Variants in ST8SIA1 observed in about 807,000 individuals in gnomAD.
ST8SIA1 encodes the protein alpha-N-acetylneuraminide alpha-2,8-sialyltransferase.
ST8SIA1 carries 16 observed loss-of-function variants against 35.9 expected under a neutral mutation model. That is an observed-to-expected ratio of 0.45 (90% CI 0.30 to 0.68). ST8SIA1 has a LOEUF of 0.68. Ranked by LOEUF, ST8SIA1 falls within the 30% of genes least tolerant of loss-of-function variation. The probability of loss-of-function intolerance (pLI) is 0.09; values close to 1 mark genes in which losing one functional copy is unlikely to be tolerated. For missense variants in ST8SIA1, 383 were observed against 453.6 expected (o/e 0.84, Z 1.41); for synonymous variants, 170 against 169.6 (o/e 1.00, Z -0.02).
chr12:22,264,557 T>C (rs1299170634), intron 2 of ST8SIA1, among the ~76,000 whole-genome samples: 1 of 151,828 alleles, frequency 6.6e-6, no homozygotes, highest in African/African-American at 2.4e-5. Context: ...AATTAAAATT[T>C]CAGTTGTTTT....
At chr12:22,214,218 A>G (rs1013284710) in intron 4 of ST8SIA1, among the ~76,000 whole-genome samples, 2 of 152,188 alleles carry the variant, frequency 1.3e-5, no homozygotes, top group African/African-American at 2.4e-5. Context: ...ACAGAGGAAA[A>G]AAGAGTTTCA....
chr12:22,215,986 G>A (rs745812914), intron 4 of ST8SIA1, among the ~76,000 whole-genome samples: 70 of 152,326 alleles, frequency 4.6e-4, no homozygotes, highest in Non-Finnish European at 9.1e-4. Context: ...ATAAATGACA[G>A]TGCAGAATAG....
chr12:22,232,827 C>A (rs1865434954), intron 4 of ST8SIA1, among the ~76,000 whole-genome samples: 1 of 151,714 alleles, frequency 6.6e-6, no homozygotes, highest in Non-Finnish European at 1.5e-5. Context: ...GACAGAGACT[C>A]TGCCTCAAAA....
chr12:22,254,327 C>T (rs1865705622), intron 3 of ST8SIA1, among the ~76,000 whole-genome samples: 1 of 152,132 alleles, frequency 6.6e-6, no homozygotes. Context: ...TCTTCTTATT[C>T]CACGTCTCCT....
At chr12:22,211,912 A>G (rs1591824856) in intron 4 of ST8SIA1, among the ~76,000 whole-genome samples, 1 of 151,970 alleles carries the variant, frequency 6.6e-6, no homozygotes, top group African/African-American at 2.4e-5. Flanking sequence ...GGTTTCGCCA[A>G]GTTGGCCAGG....
At position 22,203,396 on chromosome 12, in the gene ST8SIA1, T is replaced by A. The variant is rs561482089; in HGVS notation, c.585-1358A>T. Among the ~76,000 whole-genome samples, 4 of 152,300 alleles carry A rather than the reference T, an allele frequency of 2.6e-5. No homozygotes were observed. The East Asian group carries it at 7.7e-4, about 29-fold the overall frequency. On this transcript the variant is annotated intron_variant, in intron 4 of 4. Coordinates refer to ENST00000396037, the MANE Select transcript of ST8SIA1 (RefSeq NM_003034.4). Reference sequence around the variant, plus strand: ...GCCTGACATGTTGGCAGGCTCATCATAATTATGTGAAATTAAAGTTCTGAA... The same window carrying A: ...GCCTGACATGTTGGCAGGCTCATCAAAATTATGTGAAATTAAAGTTCTGAA...
intron 2 of ST8SIA1, among the ~76,000 whole-genome samples, chr12:22,275,549 G>A (rs1243793778): frequency 8.6e-5 from 13 of 151,716 alleles, no homozygotes; most frequent in Admixed American, 5.9e-4. Flanking sequence ...GTGAGACTCC[G>A]TGTCAAAAAA....
chr12:22,267,924 G>A (rs767890214), intron 2 of ST8SIA1, among the ~76,000 whole-genome samples: 54 of 152,074 alleles, frequency 3.6e-4, no homozygotes, highest in Non-Finnish European at 5.3e-4. Context: ...CATCTTCCAG[G>A]ATTGGCATGC....
At chr12:22,204,973 C>T (rs1009031836) in intron 4 of ST8SIA1, among the ~76,000 whole-genome samples, 1 of 152,162 alleles carries the variant, frequency 6.6e-6, no homozygotes, top group African/African-American at 2.4e-5. Context: ...TCCTCATGTC[C>T]TCACCCTATG....
At chr12:22,270,595 T>G (rs755455990) in intron 2 of ST8SIA1, among the ~76,000 whole-genome samples, 1 of 152,296 alleles carries the variant, frequency 6.6e-6, no homozygotes, top group Non-Finnish European at 1.5e-5. Context: ...CTAAATCTAT[T>G]TCAAATAAAC....
intron 4 of ST8SIA1, among the ~76,000 whole-genome samples, chr12:22,220,644 T>A (rs1187489194): frequency 6.6e-6 from 1 of 152,192 alleles, no homozygotes; most frequent in Non-Finnish European, 1.5e-5. Flanking sequence ...TTAAAAGCAA[T>A]TAAGTGTCTT....
rs995044657 is a variant in ST8SIA1, at chr12:22,245,780, C to A, written c.584+3226G>T. Among the ~76,000 whole-genome samples the A allele has an allele frequency of 1.4e-4, 21 of 152,162 alleles. No homozygotes were observed. In the East Asian group the frequency reaches 3.8e-3, roughly 28 times the overall value. ...CTGGGACTTCAGCCCCACTCCCTGACCTCTGGGGAGGAGAAAAGGGTTACA... is the reference window on the plus strand; with the variant it reads ...CTGGGACTTCAGCCCCACTCCCTGAACTCTGGGGAGGAGAAAAGGGTTACA... On this transcript the variant is annotated intron_variant, in intron 4 of 4. Transcript: ENST00000396037.
At chr12:22,238,460 GT>G (rs1286266681) in intron 4 of ST8SIA1, among the ~76,000 whole-genome samples, 1 of 152,174 alleles carries the variant, frequency 6.6e-6, no homozygotes, top group Non-Finnish European at 1.5e-5. Context: ...GAAGGGAGAT[GT>G]TTGGCCAGCC....
chr12:22,279,731 G>T (rs1866012435), intron 2 of ST8SIA1, among the ~76,000 whole-genome samples: 1 of 152,166 alleles, frequency 6.6e-6, no homozygotes, highest in African/African-American at 2.4e-5. Context: ...TCTGGCTACT[G>T]GCTGGACTTC....
rs761896453 is a variant in ST8SIA1, at chr12:22,287,188, TG to T, written c.341del (p.Ser114TyrfsTer22). ...AGTAAGTTGAATTGTCAATGGTGAA[TG>T]AGTATAAAAACTCCCCGTCATACCA... The part of the protein sequence containing the change: ...SMWYDGEFLY[S>X]FTIDNSTYSL... On this transcript the variant is annotated frameshift_variant, in exon 2 of 5. Transcript: ENST00000396037. LOFTEE classifies it high-confidence loss of function. 1.9e-6 allele frequency: 3 copies of T among 1,613,972 alleles called. No homozygotes were observed. Among genetic ancestry groups the T allele is most frequent in the Non-Finnish European group, 2.5e-6 (3 of 1,179,972 alleles).
chr12:22,229,937 G>T (rs1459209709), intron 4 of ST8SIA1, among the ~76,000 whole-genome samples: 1 of 152,176 alleles, frequency 6.6e-6, no homozygotes, highest in Non-Finnish European at 1.5e-5. Context: ...ACAAGAAACA[G>T]TAAAGAGAGC....
chr12:22,248,944 A>T lies in ST8SIA1; in HGVS notation c.584+62T>A, dbSNP rs1049942998. 1.5e-5 allele frequency: 19 copies of T among 1,268,166 alleles called. No individual in the cohort carries two copies. In the Admixed American group the frequency reaches 3.2e-4, roughly 21 times the overall value. The allele number at this position is 1,268,166 out of a possible 1,614,324, so 78.6% of individuals were successfully genotyped here. A position where few individuals can be genotyped will look rare whatever the true frequency, so the allele number is the denominator to read the frequency against. Reference sequence around the variant, plus strand: ...CTGAATTATGCTCACTGCCTTTGAAATGCTAAGTACTTGAGAAGACTTCAT... The same window carrying T: ...CTGAATTATGCTCACTGCCTTTGAATTGCTAAGTACTTGAGAAGACTTCAT... On this transcript the variant is annotated intron_variant, in intron 4 of 4. Transcript: ENST00000396037.
intron 4 of ST8SIA1, among the ~76,000 whole-genome samples, chr12:22,231,481 C>G (rs977171468): frequency 4.0e-5 from 6 of 151,824 alleles, no homozygotes; most frequent in Non-Finnish European, 5.9e-5. Flanking sequence ...AAATGCCTGG[C>G]TAGAATAAAG....
At chr12:22,258,791 G>T (rs1415217606) in intron 2 of ST8SIA1, among the ~76,000 whole-genome samples, 3 of 152,200 alleles carry the variant, frequency 2.0e-5, no homozygotes, top group African/African-American at 4.8e-5. Flanking sequence ...AGTGGTTCTT[G>T]CTTGAGCCTA....
Sources: allele counts gnomAD v4.1 joint callset (sites outside exome capture counted in the v4.1 genomes callset), GRCh38; gene constraint gnomAD v4.1.1; transcripts MANE v1.5; gene names NCBI Gene and HGNC (gene_info 2026-07-23, HGNC 2026-07-21).